The following SCOC variants were observed in gnomAD, a reference collection of about 807,000 sequenced individuals.
SCOC encodes short coiled coil protein.
A neutral mutation model predicts 9.9 loss-of-function variants in SCOC; 7 were observed. The observed-to-expected ratio is 0.71, with a 90% CI of 0.40 to 1.33. The LOEUF (loss-of-function observed/expected upper bound fraction) is 1.33. Among genes scored for constraint, SCOC ranks in the 40% most tolerant of loss-of-function variants. The probability of loss-of-function intolerance (pLI) is 0.01; values close to 1 mark genes in which losing one functional copy is unlikely to be tolerated. For missense variants in SCOC, 66 were observed against 89.7 expected (o/e 0.74, Z 1.07); for synonymous variants, 19 against 28.2 (o/e 0.67, Z 1.03).
intron 1 of SCOC, among the ~76,000 whole-genome samples, chr4:140,311,847 A>T (rs1732166081): frequency 6.6e-6 from 1 of 152,236 alleles, no homozygotes; most frequent in South Asian, 2.1e-4. Flanking sequence ...CCTGGCAAGT[A>T]GTTAGCCCTC....
In SCOC at chr4:140,381,796, T is replaced by C. The variant is rs1728582118; in HGVS notation, c.*692T>C. ...CTTGGGAATATTTGTTGTTAAAAAC[T>C]TCTTTTTGCCCAAAATAACTCATTT... On this transcript the variant is annotated 3_prime_UTR_variant, in exon 4 of 4. Transcript: ENST00000608372. The C allele has an allele frequency of 6.6e-6, 1 of 152,234 alleles. No homozygotes were observed. Among genetic ancestry groups the C allele is most frequent in the Non-Finnish European group, 1.5e-5 (1 of 68,026 alleles). The allele number at this position is 152,234 out of a possible 1,614,324, so 9.4% of individuals were successfully genotyped here.
intron 1 of SCOC, among the ~76,000 whole-genome samples, chr4:140,290,313 C>T (rs1731433378): frequency 2.0e-5 from 3 of 152,208 alleles, no homozygotes; most frequent in African/African-American, 7.2e-5. Context: ...CATAAACCAA[C>T]CTTGGGCTTT....
intron 2 of SCOC, among the ~76,000 whole-genome samples, chr4:140,363,870 A>C (rs1234269606): frequency 6.6e-6 from 1 of 152,234 alleles, no homozygotes; most frequent in Non-Finnish European, 1.5e-5. Flanking sequence ...CTTGAATAAC[A>C]CCATGGCACC....
upstream of SCOC, among the ~76,000 whole-genome samples, chr4:140,370,608 T>C (rs1025203780): frequency 5.9e-5 from 9 of 152,212 alleles, no homozygotes; most frequent in Non-Finnish European, 8.8e-5. Flanking sequence ...ATTATCTGTA[T>C]AGTTGTTTTA....
chr4:140,257,504 G>A (rs1258783061), intron 1 of SCOC: 3 of 152,152 alleles, frequency 2.0e-5, no homozygotes, highest in Non-Finnish European at 4.4e-5. Flanking sequence ...TGGGCCTAGG[G>A]GAGAGCCTGG....
intron 1 of SCOC, among the ~76,000 whole-genome samples, chr4:140,310,847 G>C (rs988964789): frequency 1.3e-5 from 2 of 152,238 alleles, no homozygotes; most frequent in African/African-American, 4.8e-5. Flanking sequence ...TTAGGAGCCA[G>C]CTCTGCTTCC....
intron 1 of SCOC, among the ~76,000 whole-genome samples, chr4:140,276,298 G>A (rs113733937): frequency 1.3e-5 from 2 of 151,006 alleles, no homozygotes; most frequent in African/African-American, 2.4e-5. Flanking sequence ...TACCGCACCC[G>A]GCCTAATTTT....
intron 1 of SCOC, chr4:140,374,291 G>A (rs1162967794): frequency 2.5e-6 from 1 of 400,382 alleles, no homozygotes; most frequent in Non-Finnish European, 5.0e-6. Flanking sequence ...GGTTTGGAAA[G>A]GAGAAAGAGG....
intron 2 of SCOC, among the ~76,000 whole-genome samples, chr4:140,368,116 C>T (rs942262456): frequency 6.6e-6 from 1 of 152,146 alleles, no homozygotes; most frequent in African/African-American, 2.4e-5. Context: ...GATATAGTCA[C>T]AAAACTAAAC....
chr4:140,336,201 T>A (rs1732952746), intron 1 of SCOC, among the ~76,000 whole-genome samples: 1 of 152,228 alleles, frequency 6.6e-6, no homozygotes, highest in Admixed American at 6.5e-5. Flanking sequence ...TTGTATTTTT[T>A]AATCTTATTT....
At chr4:140,314,828 G>A (rs1732265491) in intron 1 of SCOC, among the ~76,000 whole-genome samples, 1 of 152,088 alleles carries the variant, frequency 6.6e-6, no homozygotes, top group Non-Finnish European at 1.5e-5. Context: ...GGTGCCACTG[G>A]GATCTGAGAG....
chr4:140,322,945 C>T (rs771377951), intron 1 of SCOC, among the ~76,000 whole-genome samples: 11 of 151,546 alleles, frequency 7.3e-5, no homozygotes, highest in Non-Finnish European at 1.3e-4. Context: ...GAGTGCTAGG[C>T]CTAGAAATAT....
chr4:140,381,210 T>C lies in SCOC; in HGVS notation c.*106T>C. 9.1e-7 allele frequency: 1 copy of C among 1,100,852 alleles called. No homozygotes were observed. The highest frequency in any genetic ancestry group is 1.3e-6 in the Non-Finnish European group (1 of 781,194). The allele number at this position is 1,100,852 out of a possible 1,614,324, so 68.2% of individuals were successfully genotyped here. On this transcript the variant is annotated 3_prime_UTR_variant, in exon 4 of 4. Transcript: ENST00000608372. ...TACCTTTGTGGCTTCATTGAATATT[T>C]ATGAAGATAATGTCAGATGTAGACA...
At chr4:140,362,308 T>TCC in intron 2 of SCOC, among the ~76,000 whole-genome samples, 1 of 8,414 alleles carries the variant, frequency 1.2e-4, no homozygotes, top group South Asian at 3.4e-3. Flanking sequence ...TCTTTTTTTT[T>TCC]TTTTTTTGTG....
Position 140,385,546 on chromosome 4 carries a change from G to A in SCOC, c.*4442G>A, listed in dbSNP as rs1298074678. ...TCATGTATGCATTTAGTTCCAACTAGTTAATGTCACATCTCTATTCCTGTC... is the reference window on the plus strand; with the variant it reads ...TCATGTATGCATTTAGTTCCAACTAATTAATGTCACATCTCTATTCCTGTC... On this transcript the variant is annotated 3_prime_UTR_variant, in exon 4 of 4. Coordinates refer to ENST00000608372, the MANE Select transcript of SCOC (RefSeq NM_001153484.2). 3 of 152,130 alleles carry A rather than the reference G, an allele frequency of 2.0e-5. No homozygotes were observed. The highest frequency in any genetic ancestry group is 7.2e-5 in the African/African-American group (3 of 41,416). 9.4% of individuals were successfully genotyped at this position (152,130 alleles called of 1,614,324 possible).
In SCOC at chr4:140,364,527, AT is replaced by A. The variant is rs1727704869; in HGVS notation, c.71-14591del. Among the ~76,000 whole-genome samples, 3 of 152,304 alleles carry A rather than the reference AT, an allele frequency of 2.0e-5. No homozygotes were observed. The South Asian group carries it at 6.2e-4, about 32-fold the overall frequency. ...GTAAGGAAGAGAAGTGAGCACCAGG[AT>A]TTAAGGCAGGAAGGGATAGGCTACC... is the stretch of plus-strand genomic sequence containing the variant. On this transcript the variant is annotated intron_variant, in intron 2 of 4. Coordinates refer to the SCOC transcript ENST00000338517.
intron 1 of SCOC, among the ~76,000 whole-genome samples, chr4:140,276,038 A>G (rs1730972662): frequency 1.3e-5 from 2 of 151,210 alleles, no homozygotes; most frequent in African/African-American, 2.4e-5. Flanking sequence ...GAGTCTCACG[A>G]TGTTGCCCAG....
chr4:140,312,419 T>G (rs1732183330), intron 1 of SCOC, among the ~76,000 whole-genome samples: 1 of 152,146 alleles, frequency 6.6e-6, no homozygotes, highest in Non-Finnish European at 1.5e-5. Context: ...AGTTATATAT[T>G]TATTTAATTA....
In SCOC at chr4:140,381,310, TAG is replaced by T; in HGVS notation, c.*210_*211del. 4.8e-6 allele frequency: 2 copies of T among 417,240 alleles called. No homozygotes were observed. Among genetic ancestry groups the T allele is most frequent in the Non-Finnish European group, 8.6e-6 (2 of 232,902 alleles). The allele number at this position is 417,240 out of a possible 1,614,324, so 25.8% of individuals were successfully genotyped here. ...TCTATGAAAACGTGCAAATGTATTG[TAG>T]AGACTTTATGATTAGAATTGCATAT... On this transcript the variant is annotated 3_prime_UTR_variant, in exon 4 of 4. Transcript: ENST00000608372.
Sources: allele counts gnomAD v4.1 joint callset (sites outside exome capture counted in the v4.1 genomes callset), GRCh38; gene constraint gnomAD v4.1.1; transcripts MANE v1.5; gene names NCBI Gene and HGNC (gene_info 2026-07-23, HGNC 2026-07-21).